OR52E5: variants seen among roughly 807,000 people sequenced by gnomAD.
OR52E5 encodes the protein olfactory receptor 52E5.
chr11:5,900,375 TAC>T (rs61415771), intron 2 of OR52E5, among the ~76,000 whole-genome samples: 4,524 of 150,424 alleles, frequency 0.03, 91 homozygotes, highest in Middle Eastern at 0.052. Context: ...AGTGACATTT[TAC>T]ACACACACAC....
rs112986155 is a variant in OR52E5, at chr11:5,897,488, C to T, written c.-146+1775C>T. The stretch of plus-strand genomic sequence containing the variant: ...TTCTTTGTTATGGCTGTGTACTTTT[C>T]TATGGTGTATACGTCCCACATTTTA... On this transcript the variant is annotated intron_variant, in intron 2 of 2. Coordinates refer to ENST00000610445, the MANE Select transcript of OR52E5 (RefSeq NM_001005166.5). Among the ~76,000 whole-genome samples, 981 of 152,280 alleles carry T rather than the reference C, an allele frequency of 6.4e-3. 17 individuals are homozygous for T. The highest frequency in any genetic ancestry group is 0.022 in the African/African-American group (933 of 41,552).
intron 2 of OR52E5, among the ~76,000 whole-genome samples, chr11:5,898,093 A>G (rs186783253): frequency 6.6e-6 from 1 of 151,990 alleles, no homozygotes; most frequent in Admixed American, 6.6e-5. Context: ...TCCTGGGCTC[A>G]AGTTATCCTC....
intron 2 of OR52E5, among the ~76,000 whole-genome samples, chr11:5,896,133 A>G (rs1245222573): frequency 6.6e-6 from 1 of 150,802 alleles, no homozygotes; most frequent in Non-Finnish European, 1.5e-5. Flanking sequence ...TAAAAACAGA[A>G]CAGGGTATAA....
In OR52E5 at chr11:5,901,129, C is replaced by T. The variant is rs775659799; in HGVS notation, c.353C>T (p.Thr118Ile). 2 of 401,370 alleles carry T rather than the reference C, an allele frequency of 5.0e-6. No homozygotes were observed. The highest frequency in any genetic ancestry group is 2.1e-5 in the African/African-American group (1 of 48,702). 24.9% of individuals were successfully genotyped at this position (401,370 alleles called of 1,614,324 possible). The change falls in exon 3 of 3, where the codon ACA becomes ATA. Residue 118 changes from threonine (T) to isoleucine (I), a missense_variant. Transcript: ENST00000610445. ...ICTGLESVVL[T>I]VTGIDRYIAI... ...ACTGGCCTGGAGTCTGTGGTACTGACAGTCACGGGCATAGATCGCTATATT... is the reference window on the plus strand; with the variant it reads ...ACTGGCCTGGAGTCTGTGGTACTGATAGTCACGGGCATAGATCGCTATATT...
intron 2 of OR52E5, among the ~76,000 whole-genome samples, chr11:5,897,997 T>G (rs1847198794): frequency 6.6e-6 from 1 of 151,750 alleles, no homozygotes; most frequent in Non-Finnish European, 1.5e-5. Flanking sequence ...TGAGTAGCTG[T>G]AACCATAGGC....
intron 1 of OR52E5, 115 bp from the exon 2 acceptor site, chr11:5,895,517 C>T (rs1847161300): frequency 6.6e-6 from 1 of 152,110 alleles, no homozygotes; most frequent in African/African-American, 2.4e-5. Flanking sequence ...TTCTCTATAG[C>T]TTATTCATTA....
rs1847240766 is a variant in OR52E5, at chr11:5,900,909, A to T, written c.133A>T (p.Ile45Phe). The change falls in exon 3 of 3, where the codon ATC becomes TTC. Residue 45 changes from isoleucine (I) to phenylalanine (F), a missense_variant. Ile to Phe is a conservative substitution (Grantham distance 21, BLOSUM62 0). Coordinates refer to ENST00000610445, the MANE Select transcript of OR52E5 (RefSeq NM_001005166.5). ...GTATCTAACAGCCCTTCTAGGGAAC[A>T]TCATTATCCTGTTTGTGATACAGAC... ...AVYLTALLGN[I>F]IILFVIQTEQ... The T allele has an allele frequency of 2.5e-6, 1 of 401,330 alleles. No homozygotes were observed. The highest frequency in any genetic ancestry group is 3.6e-5 in the East Asian group (1 of 28,070). The allele number at this position is 401,330 out of a possible 1,614,324, so 24.9% of individuals were successfully genotyped here. A position where few individuals can be genotyped will look rare whatever the true frequency, so the allele number is the denominator to read the frequency against.
chr11:5,893,758 G>A lies in OR52E5; in HGVS notation c.-228+488G>A, dbSNP rs142531900. ...GAACTGCCTCATCTGAGGTCATGTC[G>A]CATCACACAGTGTGGCCCATTGCCA... On this transcript the variant is annotated intron_variant, in intron 1 of 2. Transcript: ENST00000610445. 2.5e-3 allele frequency among the ~76,000 whole-genome samples: 383 copies of A among 151,960 alleles called. 1 individual carries two copies. The highest frequency in any genetic ancestry group is 8.3e-3 in the African/African-American group (346 of 41,452).
chr11:5,901,931 G>A lies in OR52E5; in HGVS notation c.*171G>A. 2.5e-6 allele frequency: 1 copy of A among 394,116 alleles called. No homozygotes were observed. Among genetic ancestry groups the A allele is most frequent in the Admixed American group, 4.4e-5 (1 of 22,536 alleles). 24.4% of individuals were successfully genotyped at this position (394,116 alleles called of 1,614,324 possible). A position where few individuals can be genotyped will look rare whatever the true frequency, so the allele number is the denominator to read the frequency against. ...AATCTCTCTGTTTCACCCATTAAAAGTGCAAAAAGTACTCACACTTAAGCC... is the reference window on the plus strand; with the variant it reads ...AATCTCTCTGTTTCACCCATTAAAAATGCAAAAAGTACTCACACTTAAGCC... On this transcript the variant is annotated 3_prime_UTR_variant, in exon 3 of 3. Transcript: ENST00000610445.
chr11:5,897,760 T>C (rs1212897981), intron 2 of OR52E5, among the ~76,000 whole-genome samples: 1 of 152,212 alleles, frequency 6.6e-6, no homozygotes, highest in African/African-American at 2.4e-5. Context: ...TTCCTTTTTC[T>C]CCACATCCTT....
In OR52E5 at chr11:5,901,217, C is replaced by T; in HGVS notation, c.441C>T (p.Gly147=). The T allele has an allele frequency of 2.5e-6, 1 of 401,548 alleles. No individual in the cohort carries two copies. The highest frequency in any genetic ancestry group is 4.4e-6 in the Non-Finnish European group (1 of 226,342). The allele number at this position is 401,548 out of a possible 1,614,324, so 24.9% of individuals were successfully genotyped here. A position where few individuals can be genotyped will look rare whatever the true frequency, so the allele number is the denominator to read the frequency against. Residue 147 remains glycine (G), a synonymous_variant, in exon 3 of 3, where the codon GGC becomes GGT. Transcript: ENST00000610445. The stretch of plus-strand genomic sequence containing the variant: ...CCAACAAGGTAATAGCCATTCTGGG[C>T]ATAGTCATCATTGTCAGGACTTTGG... ...ILTNKVIAIL[G]IVIIVRTLVF... is the part of the protein sequence containing the mutation.
At chr11:5,893,625 TGTGTG>T (rs1847133785) in intron 1 of OR52E5, among the ~76,000 whole-genome samples, 2 of 152,082 alleles carry the variant, frequency 1.3e-5, no homozygotes, top group African/African-American at 4.8e-5. Flanking sequence ...TGGTTATAGC[TGTGTG>T]GTCTGCTTTT....
chr11:5,893,239 T>G lies in OR52E5; in HGVS notation c.-259T>G, dbSNP rs1369739965. 6.6e-6 allele frequency: 1 copy of G among 152,286 alleles called. No homozygotes were observed. The highest frequency in any genetic ancestry group is 2.4e-5 in the African/African-American group (1 of 41,438). 9.4% of individuals were successfully genotyped at this position (152,286 alleles called of 1,614,324 possible). ...GGTTGCAGTCTGGGGTATCCGGTCCTTCACAGACAATTTCTCAGATGCGGG... is the reference window on the plus strand; with the variant it reads ...GGTTGCAGTCTGGGGTATCCGGTCCGTCACAGACAATTTCTCAGATGCGGG... On this transcript the variant is annotated 5_prime_UTR_variant, in exon 1 of 3. Transcript: ENST00000610445.
Position 5,901,209 on chromosome 11 carries a change from AT to A in OR52E5, c.435del (p.Leu146TrpfsTer3). 7.5e-6 allele frequency: 3 copies of A among 401,588 alleles called. No individual in the cohort carries two copies. 24.9% of individuals were successfully genotyped at this position (401,588 alleles called of 1,614,324 possible). A position where few individuals can be genotyped will look rare whatever the true frequency, so the allele number is the denominator to read the frequency against. On this transcript the variant is annotated frameshift_variant, in exon 3 of 3. Transcript: ENST00000610445. LOFTEE classifies it low-confidence loss of function (END_TRUNC). ...SMILTNKVIA[I>X]LGIVIIVRTL... ...GATCCTTACCAACAAGGTAATAGCC[AT>A]TCTGGGCATAGTCATCATTGTCAGG... is the stretch of plus-strand genomic sequence containing the variant.
intron 2 of OR52E5, among the ~76,000 whole-genome samples, chr11:5,898,521 G>A (rs1847206270): frequency 6.6e-6 from 1 of 151,976 alleles, no homozygotes; most frequent in Non-Finnish European, 1.5e-5. Context: ...ATTTGCCTAG[G>A]GCCAATGTCC....
Position 5,902,437 on chromosome 11 carries a change from T to C in OR52E5, c.*677T>C, listed in dbSNP as rs892399961. ...CTAATCCACTCTAGTATACAATCCC[T>C]GGTTTGAGGTCAGCTCTCCAGATCC... is the stretch of plus-strand genomic sequence containing the variant. On this transcript the variant is annotated 3_prime_UTR_variant, in exon 3 of 3. Transcript: ENST00000610445. 2.6e-5 allele frequency: 4 copies of C among 152,210 alleles called. No individual in the cohort carries two copies. Among genetic ancestry groups the C allele is most frequent in the Non-Finnish European group, 4.4e-5 (3 of 68,036 alleles). 9.4% of individuals were successfully genotyped at this position (152,210 alleles called of 1,614,324 possible). A position where few individuals can be genotyped will look rare whatever the true frequency, so the allele number is the denominator to read the frequency against.
Position 5,900,941 on chromosome 11 carries a change from G to C in OR52E5, c.165G>C (p.Gln55His), listed in dbSNP as rs961392321. ...TCCTGTTTGTGATACAGACTGAACAGAGCCTCCACCAACCCATGTTTTACT... is the reference window on the plus strand; with the variant it reads ...TCCTGTTTGTGATACAGACTGAACACAGCCTCCACCAACCCATGTTTTACT... ...IIILFVIQTE[Q>H]SLHQPMFYFL... The change falls in exon 3 of 3, where the codon CAG becomes CAC. Residue 55 changes from glutamine to histidine, a missense_variant. Physicochemically the swap from Gln to His is conservative, Grantham distance 24. Coordinates refer to ENST00000610445, the MANE Select transcript of OR52E5 (RefSeq NM_001005166.5). The C allele has an allele frequency of 5.0e-6, 2 of 401,464 alleles. No individual in the cohort carries two copies. Among genetic ancestry groups the C allele is most frequent in the Admixed American group, 8.8e-5 (2 of 22,730 alleles). The allele number at this position is 401,464 out of a possible 1,614,324, so 24.9% of individuals were successfully genotyped here.
chr11:5,893,843 T>G (rs952608309), intron 1 of OR52E5, among the ~76,000 whole-genome samples: 4 of 152,146 alleles, frequency 2.6e-5, no homozygotes, highest in African/African-American at 7.2e-5. Context: ...TTTGTGTGTG[T>G]GGGACAACTT....
rs1313344917 is a variant in OR52E5, at chr11:5,901,580, T to G, written c.804T>G (p.Pro268=). ...CACACCGCTTTGGCCACAACATCCC[T>G]CATTACATCCACATTCTTCTGGCCA... ...FMTHRFGHNI[P]HYIHILLANL... is the part of the protein sequence containing the mutation. The change falls in exon 3 of 3, where the codon CCT becomes CCG. Residue 268 remains proline, a synonymous_variant. Transcript: ENST00000610445. 7.5e-6 allele frequency: 3 copies of G among 401,670 alleles called. No homozygotes were observed. Among genetic ancestry groups the G allele is most frequent in the Non-Finnish European group, 8.8e-6 (2 of 226,380 alleles). The allele number at this position is 401,670 out of a possible 1,614,324, so 24.9% of individuals were successfully genotyped here. A position where few individuals can be genotyped will look rare whatever the true frequency, so the allele number is the denominator to read the frequency against.
Sources: gnomAD v4.1 joint callset for allele counts (sites outside exome capture counted in the v4.1 genomes callset) on GRCh38, gnomAD v4.1.1 for gene constraint, MANE v1.5 for transcripts, NCBI Gene and HGNC (gene_info 2026-07-23, HGNC 2026-07-21) for gene names.